The following STK4 variants were observed in gnomAD, a reference collection of about 807,000 sequenced individuals.
STK4 encodes serine/threonine-protein kinase 4.
STK4 carries 30 observed loss-of-function variants against 64.9 expected under a neutral mutation model. The observed-to-expected ratio is 0.46, with a 90% CI of 0.35 to 0.63. The LOEUF is 0.63. Ranked by LOEUF, STK4 falls within the 20% of genes least tolerant of loss-of-function variation. The pLI, the probability that STK4 is intolerant of heterozygous loss-of-function variation, is 0.01. For synonymous variants in STK4, 177 were observed against 199.0 expected, an observed-to-expected ratio of 0.89 and a Z score of 0.93; for missense variants, 466 against 598.5, an observed-to-expected ratio of 0.78 and a Z score of 2.31.
At chr20:44,991,582 G>A (rs764841692) in intron 5 of STK4, among the ~76,000 whole-genome samples, 46 of 151,854 alleles carry the variant, frequency 3.0e-4, no homozygotes, top group Non-Finnish European at 5.7e-4. Context: ...ACATATTTTT[G>A]CATTTAATTA....
At chr20:44,978,097 A>G (rs1418042691) in intron 2 of STK4, among the ~76,000 whole-genome samples, 1 of 152,228 alleles carries the variant, frequency 6.6e-6, no homozygotes, top group African/African-American at 2.4e-5. Context: ...ATTTACCTGT[A>G]AAATAGGGAT....
chr20:45,070,664 T>A (rs1482563861), intron 10 of STK4, among the ~76,000 whole-genome samples: 1 of 152,134 alleles, frequency 6.6e-6, no homozygotes, highest in East Asian at 1.9e-4. Context: ...GGTGGGCAGA[T>A]CACCTGAGGT....
At chr20:44,994,783 C>G (rs924120819) in intron 5 of STK4, among the ~76,000 whole-genome samples, 2 of 152,064 alleles carry the variant, frequency 1.3e-5, no homozygotes, top group African/African-American at 4.8e-5. Context: ...GCCTGATTTT[C>G]TATGCTATTA....
chr20:45,025,378 G>A (rs1001057089), intron 10 of STK4, among the ~76,000 whole-genome samples: 2 of 152,166 alleles, frequency 1.3e-5, no homozygotes, highest in African/African-American at 4.8e-5. Context: ...ATTGTTCATG[G>A]TGAGAGAAGT....
Position 44,981,821 on chromosome 20 carries a change from C to T in STK4, c.246-8C>T, listed in dbSNP as rs2067445203. ...TTTTATTAATTTGTATTGTCTCTCTCTCTCTAGCCCTCATGTAGTCAAATA... is the reference window on the plus strand; with the variant it reads ...TTTTATTAATTTGTATTGTCTCTCTTTCTCTAGCCCTCATGTAGTCAAATA... On this transcript the variant is annotated splice_region_variant and splice_polypyrimidine_tract_variant and intron_variant, in intron 3 of 10. Transcript: ENST00000372806. 4.5e-6 allele frequency: 7 copies of T among 1,545,904 alleles called. No individual in the cohort carries two copies. The Middle Eastern group carries it at 1.0e-3, about 222-fold the overall frequency.
chr20:45,033,691 T>C (rs1384909996), intron 10 of STK4, among the ~76,000 whole-genome samples: 1 of 152,204 alleles, frequency 6.6e-6, no homozygotes, highest in Non-Finnish European at 1.5e-5. Flanking sequence ...GTGATTCTCC[T>C]GCCTCAGCCT....
intron 10 of STK4, among the ~76,000 whole-genome samples, chr20:45,051,772 G>C (rs1164546945): frequency 6.6e-6 from 1 of 152,218 alleles, no homozygotes; most frequent in Non-Finnish European, 1.5e-5. Context: ...GTTTAGGTCA[G>C]GCTTGCAGGC....
intron 10 of STK4, among the ~76,000 whole-genome samples, chr20:45,045,175 A>G (rs956119620): frequency 3.3e-5 from 5 of 152,236 alleles, no homozygotes; most frequent in Admixed American, 6.5e-5. Context: ...GATGATAGTA[A>G]CATTATCACT....
At chr20:45,039,411 A>G (rs748363438) in intron 10 of STK4, among the ~76,000 whole-genome samples, 10 of 151,626 alleles carry the variant, frequency 6.6e-5, no homozygotes, top group Non-Finnish European at 1.5e-4. Flanking sequence ...GGTAGATTCA[A>G]GTTTTCCAGA....
chr20:44,996,856 C>A (rs2067739942), intron 6 of STK4, among the ~76,000 whole-genome samples: 1 of 152,014 alleles, frequency 6.6e-6, no homozygotes, highest in Admixed American at 6.6e-5. Flanking sequence ...TGTAGATACT[C>A]TTAGGTCTCG....
At chr20:45,051,152 C>T (rs1333541859) in intron 10 of STK4, among the ~76,000 whole-genome samples, 1 of 152,140 alleles carries the variant, frequency 6.6e-6, no homozygotes, top group Non-Finnish European at 1.5e-5. Context: ...TGGCATTAAC[C>T]TTAATGCATC....
rs1980434486 is a variant in STK4 at position 45,075,387 on chromosome 20, A to C, written c.*211A>C. 6.8e-5 allele frequency: 36 copies of C among 532,612 alleles called. No homozygotes were observed. The highest frequency in any genetic ancestry group is 8.7e-5 in the Non-Finnish European group (27 of 309,604). The allele number at this position is 532,612 out of a possible 1,614,324, so 33.0% of individuals were successfully genotyped here. On this transcript the variant is annotated 3_prime_UTR_variant, in exon 11 of 11. Transcript: ENST00000372806. ...GTACATTGGTCAGGTATATTATCTC[A>C]AAGGATTTATATTGGCGCTTTTAAC... is the stretch of plus-strand genomic sequence containing the variant.
At chr20:45,047,092 C>G (rs2068708317) in intron 10 of STK4, among the ~76,000 whole-genome samples, 1 of 152,166 alleles carries the variant, frequency 6.6e-6, no homozygotes, top group African/African-American at 2.4e-5. Context: ...CACTTGGTCT[C>G]TTAAGACTAA....
Position 45,024,974 on chromosome 20 carries a change from A to T in STK4, c.1149A>T (p.Arg383Ser), listed in dbSNP as rs534100971. The change falls in exon 10 of 11, where the codon AGA becomes AGT. Residue 383 changes from arginine to serine, a missense_variant and splice_region_variant. Coordinates refer to ENST00000372806, the MANE Select transcript of STK4 (RefSeq NM_006282.5). ...TTTTTCATTTTTCTTTGTTTTCAGG[A>T]AGGGATGAGACCATGCAGCCTGCGA... Reference protein sequence around the residue: ...EDEEEEGTMKRRDETMQPAKP... With the variant: ...EDEEEEGTMKSRDETMQPAKP... 6.4e-7 allele frequency: 1 copy of T among 1,554,670 alleles called. No individual in the cohort carries two copies. The highest frequency in any genetic ancestry group is 2.3e-5 in the East Asian group (1 of 43,780).
At chr20:45,030,644 A>G (rs1398224008) in intron 10 of STK4, among the ~76,000 whole-genome samples, 1 of 152,200 alleles carries the variant, frequency 6.6e-6, no homozygotes, top group East Asian at 1.9e-4. Flanking sequence ...CTGTTTGCCA[A>G]GTTGAGAAAC....
intron 9 of STK4, among the ~76,000 whole-genome samples, chr20:45,012,277 G>A (rs1178919859): frequency 6.6e-5 from 10 of 151,940 alleles, no homozygotes; most frequent in African/African-American, 1.7e-4. Flanking sequence ...CTCGTGATCC[G>A]TCCACCTCAG....
intron 2 of STK4, chr20:44,974,419 G>A (rs987534438): frequency 2.6e-5 from 4 of 152,062 alleles, no homozygotes; most frequent in African/African-American, 9.7e-5. Flanking sequence ...ATTTAACTAG[G>A]AATATTTTGA....
At chr20:44,967,339 T>C (rs2067168309) in intron 1 of STK4, 1 of 643,806 alleles carries the variant, frequency 1.6e-6, no homozygotes, top group African/African-American at 2.0e-5. Flanking sequence ...TGGGAAGTGT[T>C]TCCTTCTTTA....
In STK4 at chr20:44,985,172, T is replaced by A. The variant is rs1018296781; in HGVS notation, c.361-1960T>A. 1.6e-4 allele frequency among the ~76,000 whole-genome samples: 24 copies of A among 152,278 alleles called. No individual in the cohort carries two copies. The East Asian group carries it at 4.4e-3, about 28-fold the overall frequency. On this transcript the variant is annotated intron_variant, in intron 4 of 10. Coordinates refer to ENST00000372806, the MANE Select transcript of STK4 (RefSeq NM_006282.5). ...CTGGACTTTAGTGAAAGCTTTATCA[T>A]TTCTCTCTGACTTTTGGCATAAATG...
Sources: allele counts gnomAD v4.1 joint callset (sites outside exome capture counted in the v4.1 genomes callset), GRCh38; gene constraint gnomAD v4.1.1; transcripts MANE v1.5; gene names NCBI Gene and HGNC (gene_info 2026-07-23, HGNC 2026-07-21).